SLIT3: variants seen among roughly 807,000 people sequenced by gnomAD.
SLIT3 encodes the protein slit guidance ligand 3.
SLIT3 carries 68 observed loss-of-function variants against 184.0 expected under a neutral mutation model. The ratio of observed to expected loss-of-function variants is 0.37; its 90% CI spans 0.30 to 0.45. The LOEUF is 0.45. Among genes scored for constraint, SLIT3 ranks in the 20% least tolerant of loss-of-function variants. SLIT3 has a pLI of 1.00. For synonymous variants in SLIT3, 831 were observed against 828.6 expected (o/e 1.00, Z -0.05); for missense variants, 1,707 against 2,026.0 (o/e 0.84, Z 3.02).
At chr5:169,174,712 A>G (rs1049168102) in intron 4 of SLIT3, among the ~76,000 whole-genome samples, 3 of 152,122 alleles carry the variant, frequency 2.0e-5, no homozygotes. Flanking sequence ...GTATGTCACA[A>G]TCTATGAAAA....
intron 5 of SLIT3, among the ~76,000 whole-genome samples, chr5:168,862,590 G>A (rs77833238): frequency 6.6e-6 from 1 of 152,060 alleles, no homozygotes; most frequent in Non-Finnish European, 1.5e-5. Context: ...ACTCAGCCAC[G>A]ACCCTCTCCC....
At chr5:168,965,214 T>C (rs563627424) in intron 4 of SLIT3, among the ~76,000 whole-genome samples, 140 of 152,320 alleles carry the variant, frequency 9.2e-4, no homozygotes, top group African/African-American at 3.1e-3. Context: ...CTCCTATGAT[T>C]ATAAATATCT....
intron 4 of SLIT3, among the ~76,000 whole-genome samples, chr5:168,920,425 G>T (rs1761597795): frequency 6.6e-6 from 1 of 152,114 alleles, no homozygotes; most frequent in Non-Finnish European, 1.5e-5. Flanking sequence ...CACACACCTG[G>T]GCTAATTTTG....
At chr5:168,839,401 A>T (rs1282734093) in intron 6 of SLIT3, among the ~76,000 whole-genome samples, 1 of 152,196 alleles carries the variant, frequency 6.6e-6, no homozygotes, top group South Asian at 2.1e-4. Context: ...TGGGGTCTAC[A>T]TGCCCCGTCC....
chr5:168,860,076 G>A (rs1759045694), intron 5 of SLIT3, among the ~76,000 whole-genome samples: 1 of 152,144 alleles, frequency 6.6e-6, no homozygotes, highest in South Asian at 2.1e-4. Flanking sequence ...TGCTGAAGGA[G>A]ATTCCAGCCC....
intron 4 of SLIT3, among the ~76,000 whole-genome samples, chr5:169,176,510 C>T (rs971831620): frequency 6.6e-6 from 1 of 152,110 alleles, no homozygotes; most frequent in East Asian, 1.9e-4. Flanking sequence ...CTAGATCCTT[C>T]GAATTTCCTT....
chr5:168,938,220 T>A (rs138668085), intron 4 of SLIT3, among the ~76,000 whole-genome samples: 14 of 152,340 alleles, frequency 9.2e-5, no homozygotes, highest in African/African-American at 2.9e-4. Flanking sequence ...ATATTCTGGC[T>A]AAATACTAGG....
chr5:169,148,529 T>TGATTAAA (rs1251761973), intron 4 of SLIT3, among the ~76,000 whole-genome samples: 1 of 152,220 alleles, frequency 6.6e-6, no homozygotes, highest in Non-Finnish European at 1.5e-5. Context: ...TCTTAATAAG[T>TGATTAAA]CTGAGATTAA....
intron 4 of SLIT3, among the ~76,000 whole-genome samples, chr5:168,970,196 A>G (rs1166205861): frequency 6.7e-6 from 1 of 149,870 alleles, no homozygotes; most frequent in Non-Finnish European, 1.5e-5. Context: ...ACAAACAAAC[A>G]AAAAACAGCA....
chr5:169,229,933 TC>T (rs1188471882), intron 3 of SLIT3, among the ~76,000 whole-genome samples: 2 of 152,086 alleles, frequency 1.3e-5, no homozygotes, highest in Non-Finnish European at 2.9e-5. Context: ...CAGCCATTCT[TC>T]TCAATGAACC....
chr5:168,731,805 T>C (rs567049042), intron 20 of SLIT3, among the ~76,000 whole-genome samples: 1 of 152,118 alleles, frequency 6.6e-6, no homozygotes, highest in African/African-American at 2.4e-5. Context: ...ATACCTCAAA[T>C]AATAAAGGCT....
rs549732466 is a variant in SLIT3, at chr5:169,021,066, T to C, written c.414-137730A>G. Among the ~76,000 whole-genome samples, 14 of 152,322 alleles carry C rather than the reference T, an allele frequency of 9.2e-5. No homozygotes were observed. In the South Asian group the frequency reaches 2.3e-3, roughly 25 times the overall value. On this transcript the variant is annotated intron_variant, in intron 4 of 35. Transcript: ENST00000519560. ...CAGAACCTTCTAGAAATGAGCTATG[T>C]GCTTAAGGCAAGTCACTACACCTTG...
intron 1 of SLIT3, among the ~76,000 whole-genome samples, chr5:169,287,207 T>G (rs1357866277): frequency 6.6e-6 from 1 of 152,180 alleles, no homozygotes; most frequent in Non-Finnish European, 1.5e-5. Flanking sequence ...GGATTCCTGC[T>G]CCAGTCCTGG....
chr5:168,916,408 G>A (rs1761436314), intron 4 of SLIT3, among the ~76,000 whole-genome samples: 1 of 152,236 alleles, frequency 6.6e-6, no homozygotes, highest in Admixed American at 6.5e-5. Flanking sequence ...AGCTGCTGCT[G>A]AGGCATCAGG....
Position 169,300,382 on chromosome 5 carries a change from C to G in SLIT3, c.197+131G>C. ...ACCCCCAGCTCGGAGAGTGAGGGATCGTATCCAGGAAGGGATGAGAATAGA... is the reference window on the plus strand; with the variant it reads ...ACCCCCAGCTCGGAGAGTGAGGGATGGTATCCAGGAAGGGATGAGAATAGA... On this transcript the variant is annotated intron_variant, in intron 1 of 35. Transcript: ENST00000519560. The surrounding 1 kb of genome is among the most constrained non-coding windows in gnomAD (Gnocchi z 4.1). The G allele has an allele frequency of 1.7e-6, 2 of 1,180,794 alleles. No homozygotes were observed. The highest frequency in any genetic ancestry group is 2.2e-6 in the Non-Finnish European group (2 of 909,408). 73.1% of individuals were successfully genotyped at this position (1,180,794 alleles called of 1,614,324 possible). A position where few individuals can be genotyped will look rare whatever the true frequency, so the allele number is the denominator to read the frequency against.
chr5:169,221,184 T>A (rs1764608541), intron 3 of SLIT3, among the ~76,000 whole-genome samples: 2 of 152,224 alleles, frequency 1.3e-5, no homozygotes, highest in African/African-American at 4.8e-5. Flanking sequence ...ATAATCAAAC[T>A]TAAGCTCTTT....
intron 4 of SLIT3, among the ~76,000 whole-genome samples, chr5:168,992,551 A>G (rs762342455): frequency 9.9e-5 from 15 of 152,226 alleles, no homozygotes; most frequent in Admixed American, 2.0e-4. Context: ...AAGCAGGGGA[A>G]CCTTCTGTTG....
chr5:168,722,166 G>T (rs1581004824), intron 23 of SLIT3, 90 bp downstream of exon 23: 1 of 1,171,496 alleles, frequency 8.5e-7, no homozygotes, highest in Non-Finnish European at 1.3e-6. Context: ...AGTGGGCTTT[G>T]GGCAGAGAGT....
At chr5:169,112,910 T>C (rs911774809) in intron 4 of SLIT3, among the ~76,000 whole-genome samples, 1 of 152,174 alleles carries the variant, frequency 6.6e-6, no homozygotes, top group East Asian at 1.9e-4. Context: ...TCTCCTTCCA[T>C]GCACCCCTCA....
Sources: gnomAD v4.1 joint callset for allele counts (sites outside exome capture counted in the v4.1 genomes callset) on GRCh38, gnomAD v4.1.1 for gene constraint, Gnocchi (gnomAD v3.1) non-coding constraint, MANE v1.5 for transcripts, NCBI Gene and HGNC (gene_info 2026-07-23, HGNC 2026-07-21) for gene names.